Variants in CDH13 observed in about 807,000 individuals in gnomAD.
CDH13 encodes cadherin 13.
Under a neutral mutation model 63.8 loss-of-function variants are expected in CDH13, and 24 were observed. The ratio of observed to expected loss-of-function variants is 0.38; its 90% confidence interval spans 0.27 to 0.53. The LOEUF (loss-of-function observed/expected upper bound fraction) is 0.53. Among genes scored for constraint, CDH13 ranks in the 20% least tolerant of loss-of-function variants. CDH13 has a pLI of 0.85. For missense variants in CDH13, 1,049 were observed against 903.1 expected (o/e 1.16, Z -2.07); for synonymous variants, 503 against 355.3 (o/e 1.42, Z -4.67).
At chr16:82,749,361 C>G (rs2034316504) in intron 1 of CDH13, among the ~76,000 whole-genome samples, 1 of 152,170 alleles carries the variant, frequency 6.6e-6, no homozygotes, top group South Asian at 2.1e-4. Flanking sequence ...GCCCAGGAGT[C>G]TCACTTACGA....
intron 4 of CDH13, among the ~76,000 whole-genome samples, chr16:83,180,610 G>C (rs1163359327): frequency 6.6e-6 from 1 of 152,148 alleles, no homozygotes; most frequent in Non-Finnish European, 1.5e-5. Flanking sequence ...TGTGTGCTTT[G>C]TACATTTTAT....
intron 5 of CDH13, among the ~76,000 whole-genome samples, chr16:83,342,324 T>C (rs1442153321): frequency 6.6e-6 from 1 of 152,202 alleles, no homozygotes; most frequent in African/African-American, 2.4e-5. Flanking sequence ...CACCTGTCTT[T>C]CCATGCTGGG....
chr16:82,900,104 G>C (rs1485628897), intron 2 of CDH13, among the ~76,000 whole-genome samples: 2 of 152,084 alleles, frequency 1.3e-5, no homozygotes, highest in East Asian at 1.9e-4. Flanking sequence ...AATATACCAT[G>C]TTCCTTACCA....
intron 1 of CDH13, among the ~76,000 whole-genome samples, chr16:82,717,597 T>G (rs957335994): frequency 3.9e-5 from 6 of 152,188 alleles, no homozygotes; most frequent in Non-Finnish European, 7.3e-5. Flanking sequence ...TTCCTTAGCT[T>G]ATAGCCACAT....
intron 1 of CDH13, among the ~76,000 whole-genome samples, chr16:82,758,136 G>T (rs929908777): frequency 6.6e-6 from 1 of 151,998 alleles, no homozygotes; most frequent in Non-Finnish European, 1.5e-5. Context: ...ATTTTCCTTG[G>T]ACCAATTGGG....
At chr16:82,859,770 C>T (rs2151168628) in intron 2 of CDH13, 1 of 150,966 alleles carries the variant, frequency 6.6e-6, no homozygotes, top group African/African-American at 2.4e-5. Context: ...CTGGATTATT[C>T]TGTGAGGCTG....
intron 2 of CDH13, among the ~76,000 whole-genome samples, chr16:82,863,130 G>A (rs553316842): frequency 1.3e-5 from 2 of 152,304 alleles, no homozygotes; most frequent in Admixed American, 6.5e-5. Context: ...CTAACAAAAT[G>A]ATGTCGCCTA....
intron 6 of CDH13, among the ~76,000 whole-genome samples, chr16:83,471,272 A>AC (rs2073444990): frequency 4.1e-5 from 3 of 73,272 alleles, no homozygotes; most frequent in African/African-American, 1.6e-4. Flanking sequence ...TTTTCTAACC[A>AC]CCCTTTTTTT....
intron 5 of CDH13, among the ~76,000 whole-genome samples, chr16:83,314,841 G>A (rs2151889021): frequency 6.6e-6 from 1 of 152,232 alleles, no homozygotes; most frequent in East Asian, 1.9e-4. Context: ...ATGTGAAACA[G>A]GTTTTATGCA....
intron 7 of CDH13, among the ~76,000 whole-genome samples, chr16:83,547,819 C>T (rs1358699904): frequency 6.6e-6 from 1 of 152,058 alleles, no homozygotes; most frequent in African/African-American, 2.4e-5. Flanking sequence ...ACCTCCAAGG[C>T]TGAAATAGAT....
intron 7 of CDH13, among the ~76,000 whole-genome samples, chr16:83,487,672 G>T (rs1323686563): frequency 1.3e-5 from 2 of 152,142 alleles, no homozygotes; most frequent in Admixed American, 1.3e-4. Context: ...GGAATTCCCT[G>T]CTCCTGACAT....
intron 4 of CDH13, among the ~76,000 whole-genome samples, chr16:83,195,579 T>C (rs2038854692): frequency 6.6e-6 from 1 of 151,718 alleles, no homozygotes; most frequent in African/African-American, 2.4e-5. Flanking sequence ...ACTAGGAGGG[T>C]GGTGCTAAAC....
chr16:83,123,895 A>T (rs1260171978), intron 3 of CDH13, among the ~76,000 whole-genome samples: 2 of 152,184 alleles, frequency 1.3e-5, no homozygotes, highest in Non-Finnish European at 2.9e-5. Context: ...AATCATAGCC[A>T]TTCTGACTGG....
chr16:83,151,958 A>C (rs2037000217), intron 4 of CDH13, among the ~76,000 whole-genome samples: 1 of 152,126 alleles, frequency 6.6e-6, no homozygotes. Flanking sequence ...AAAAAAGAAA[A>C]GGAAAAGAAA....
intron 1 of CDH13, among the ~76,000 whole-genome samples, chr16:82,679,201 G>A (rs944403903): frequency 6.6e-6 from 1 of 152,178 alleles, no homozygotes; most frequent in Non-Finnish European, 1.5e-5. Flanking sequence ...ATTGTAAGGA[G>A]TCTGAGAAGC....
chr16:83,272,566 C>G (rs557625882), intron 5 of CDH13, among the ~76,000 whole-genome samples: 1 of 152,060 alleles, frequency 6.6e-6, no homozygotes, highest in Non-Finnish European at 1.5e-5. Context: ...CGTTGCAGTC[C>G]GGGGCTCATC....
chr16:82,822,330 G>C (rs1195813931), intron 1 of CDH13, among the ~76,000 whole-genome samples: 1 of 152,154 alleles, frequency 6.6e-6, no homozygotes, highest in Non-Finnish European at 1.5e-5. Flanking sequence ...AGGCTATTTG[G>C]GATAATGTTC....
At chr16:82,654,464 G>T (rs1273819587) in intron 1 of CDH13, among the ~76,000 whole-genome samples, 1 of 152,200 alleles carries the variant, frequency 6.6e-6, no homozygotes, top group Non-Finnish European at 1.5e-5. Context: ...GCTGAAGGCT[G>T]CCAATTAAAT....
intron 7 of CDH13, among the ~76,000 whole-genome samples, chr16:83,595,765 C>G (rs1427547922): frequency 2.6e-5 from 4 of 152,238 alleles, no homozygotes; most frequent in Non-Finnish European, 4.4e-5. Context: ...GCTGTACAGT[C>G]TAGCCCTATG....
Sources: allele counts gnomAD v4.1 joint callset (sites outside exome capture counted in the v4.1 genomes callset), GRCh38; gene constraint gnomAD v4.1.1; transcripts MANE v1.5; gene names NCBI Gene and HGNC (gene_info 2026-07-23, HGNC 2026-07-21).